The following HTR7 variants were observed in gnomAD, a reference collection of about 807,000 sequenced individuals.
HTR7 encodes 5-hydroxytryptamine receptor 7.
Under a neutral mutation model 34.0 loss-of-function variants are expected in HTR7, and 16 were observed. That is an observed-to-expected ratio of 0.47 (90% CI 0.32 to 0.71). The LOEUF (loss-of-function observed/expected upper bound fraction) is 0.71, where lower values mean the gene tolerates loss of function less well. HTR7 is among the 30% of genes least tolerant of loss of function. The pLI is 0.04. For synonymous variants in HTR7, 265 were observed against 260.2 expected, an observed-to-expected ratio of 1.02 and a Z score of -0.18; for missense variants, 504 against 625.5, an observed-to-expected ratio of 0.81 and a Z score of 2.07.
chr10:90,826,961 TAAAA>T (rs1846086644), intron 1 of HTR7, among the ~76,000 whole-genome samples: 1 of 151,170 alleles, frequency 6.6e-6, no homozygotes, highest in East Asian at 1.9e-4. Context: ...ATAATAATAA[TAAAA>T]TAAATAAATG....
intron 1 of HTR7, among the ~76,000 whole-genome samples, chr10:90,826,872 G>A (rs763778292): frequency 3.3e-5 from 5 of 152,044 alleles, no homozygotes; most frequent in Non-Finnish European, 7.4e-5. Context: ...AGGAGGCGGA[G>A]CTTGCAGTGA....
At chr10:90,800,970 C>G (rs1189781855) in intron 1 of HTR7, among the ~76,000 whole-genome samples, 1 of 152,186 alleles carries the variant, frequency 6.6e-6, no homozygotes, top group African/African-American at 2.4e-5. Context: ...AGCAATTCTC[C>G]TATCAGTGCT....
chr10:90,828,860 T>C (rs1846119902), intron 1 of HTR7, among the ~76,000 whole-genome samples: 1 of 151,166 alleles, frequency 6.6e-6, no homozygotes, highest in Admixed American at 6.6e-5. Context: ...CAACACCAGA[T>C]GAAAACGCAT....
intron 1 of HTR7, among the ~76,000 whole-genome samples, chr10:90,802,423 G>A (rs1450983577): frequency 1.3e-5 from 2 of 152,162 alleles, no homozygotes; most frequent in African/African-American, 4.8e-5. Flanking sequence ...GAATTTTGGA[G>A]GATCACGGGG....
At chr10:90,759,336 A>G (rs1564672262) in intron 1 of HTR7, among the ~76,000 whole-genome samples, 2 of 152,252 alleles carry the variant, frequency 1.3e-5, no homozygotes, top group East Asian at 3.9e-4. Flanking sequence ...CCATCCAACT[A>G]AAAATGAATC....
intron 1 of HTR7, among the ~76,000 whole-genome samples, chr10:90,841,402 A>G (rs1846327756): frequency 6.6e-6 from 1 of 152,170 alleles, no homozygotes; most frequent in Admixed American, 6.5e-5. Context: ...GTAGGTCAGA[A>G]GTCAAATGTG....
At chr10:90,744,864 C>T (rs1844610202) in intron 2 of HTR7, among the ~76,000 whole-genome samples, 1 of 152,174 alleles carries the variant, frequency 6.6e-6, no homozygotes, top group Non-Finnish European at 1.5e-5. Context: ...AGTTCCTGCA[C>T]CCAAATGCTT....
intron 1 of HTR7, among the ~76,000 whole-genome samples, chr10:90,757,779 A>T (rs918012798): frequency 4.6e-5 from 7 of 152,224 alleles, no homozygotes; most frequent in Non-Finnish European, 1.0e-4. Flanking sequence ...AACAACAATG[A>T]AAGGAAAAAA....
chr10:90,839,247 T>C (rs2120081917), intron 1 of HTR7, among the ~76,000 whole-genome samples: 1 of 152,304 alleles, frequency 6.6e-6, no homozygotes, highest in Non-Finnish European at 1.5e-5. Context: ...TTTCAAAGAC[T>C]TCTACTGAAA....
chr10:90,781,201 G>C (rs570242358), intron 1 of HTR7, among the ~76,000 whole-genome samples: 6 of 152,148 alleles, frequency 3.9e-5, no homozygotes, highest in African/African-American at 1.4e-4. Context: ...TATGTATGTT[G>C]ATATGTAATC....
chr10:90,847,405 AC>A (rs1366828449), intron 1 of HTR7, among the ~76,000 whole-genome samples: 1 of 152,180 alleles, frequency 6.6e-6, no homozygotes, highest in Non-Finnish European at 1.5e-5. Flanking sequence ...AGGGCAGAAG[AC>A]CCATTTCATC....
chr10:90,776,048 A>C (rs1387461186), intron 1 of HTR7, among the ~76,000 whole-genome samples: 12 of 152,212 alleles, frequency 7.9e-5, no homozygotes, highest in Non-Finnish European at 1.5e-5. Flanking sequence ...TCTTGCATAA[A>C]TTCTTTTAAA....
At chr10:90,746,679 C>T (rs942160794) in intron 2 of HTR7, among the ~76,000 whole-genome samples, 12 of 152,196 alleles carry the variant, frequency 7.9e-5, no homozygotes, top group Non-Finnish European at 1.8e-4. Flanking sequence ...CTTATCAAGA[C>T]TAGTTTGCTC....
chr10:90,808,307 C>T (rs576709933), intron 1 of HTR7, among the ~76,000 whole-genome samples: 35 of 152,022 alleles, frequency 2.3e-4, no homozygotes, highest in Admixed American at 6.5e-4. Flanking sequence ...CAGCAAGTCC[C>T]GCTTTTCTAG....
In HTR7 at chr10:90,825,090, C is replaced by A. The variant is rs1392693610; in HGVS notation, c.539+32043G>T. ...GGTGAATACAGGGCTACTTATATAA[C>A]CCCTTTCCCAGCTCCAGGCAACTCA... is the stretch of plus-strand genomic sequence containing the variant. On this transcript the variant is annotated intron_variant, in intron 1 of 3. Coordinates refer to ENST00000336152, the MANE Select transcript of HTR7 (RefSeq NM_019859.4). 3.3e-5 allele frequency among the ~76,000 whole-genome samples: 5 copies of A among 152,206 alleles called. No individual in the cohort carries two copies. In the East Asian group the frequency reaches 9.6e-4, roughly 29 times the overall value.
At position 90,841,421 on chromosome 10, in the gene HTR7, G is replaced by C. The variant is rs77783538; in HGVS notation, c.539+15712C>G. ...GTCAGAAGTCAAATGTGGGTCCCTG[G>C]ACTAAAATCAAGGTGTCTACAGGCT... is the stretch of plus-strand genomic sequence containing the variant. On this transcript the variant is annotated intron_variant, in intron 1 of 3. Transcript: ENST00000336152. Among the ~76,000 whole-genome samples, 14 of 152,166 alleles carry C rather than the reference G, an allele frequency of 9.2e-5. No individual in the cohort carries two copies. In the East Asian group the frequency reaches 2.5e-3, roughly 27 times the overall value.
chr10:90,747,296 A>T (rs1359056836), intron 2 of HTR7, among the ~76,000 whole-genome samples: 1 of 152,218 alleles, frequency 6.6e-6, no homozygotes, highest in Non-Finnish European at 1.5e-5. Flanking sequence ...TCTGATTAAG[A>T]CATTGTTCCT....
intron 1 of HTR7, among the ~76,000 whole-genome samples, chr10:90,844,725 TCAAAAAAAAAAA>T (rs1236839466): frequency 2.9e-3 from 81 of 27,792 alleles, no homozygotes; most frequent in Admixed American, 8.8e-3. Context: ...AGACTCCGTC[TCAAAAAAAAAAA>T]AAAAAAAAAA....
chr10:90,789,713 C>T (rs945717815), intron 1 of HTR7, among the ~76,000 whole-genome samples: 5 of 152,136 alleles, frequency 3.3e-5, no homozygotes, highest in African/African-American at 1.2e-4. Context: ...GAAAGCACTG[C>T]ACTTGCTGAA....
Sources: allele counts gnomAD v4.1 joint callset (sites outside exome capture counted in the v4.1 genomes callset), GRCh38; gene constraint gnomAD v4.1.1; transcripts MANE v1.5; gene names NCBI Gene and HGNC (gene_info 2026-07-23, HGNC 2026-07-21).